Variants in TIGD7 observed in about 807,000 individuals in gnomAD.
TIGD7 encodes tigger transposable element derived 7, also known as tigger transposable element-derived protein 7.
In TIGD7, 26 loss-of-function variants were observed where a neutral mutation model predicts 24.8. The observed-to-expected ratio is 1.05, with a 90% CI of 0.77 to 1.45. The LOEUF (loss-of-function observed/expected upper bound fraction) is 1.45. Ranked by LOEUF, TIGD7 falls within the 40% of genes most tolerant of loss-of-function variation. The pLI is 0.00. For missense variants in TIGD7, 679 were observed against 641.6 expected, an observed-to-expected ratio of 1.06 and a Z score of -0.63; for synonymous variants, 221 against 224.1, an observed-to-expected ratio of 0.99 and a Z score of 0.12.
chr16:3,299,434 GTTAT>G lies in TIGD7; in HGVS notation c.1177_1180del (p.Ile393ProfsTer2), dbSNP rs1303181580. The G allele has an allele frequency of 3.8e-6, 6 of 1,559,462 alleles. No homozygotes were observed. Among genetic ancestry groups the G allele is most frequent in the Non-Finnish European group, 5.2e-6 (6 of 1,154,904 alleles). The stretch of plus-strand genomic sequence containing the variant: ...AAGATTTTCCCATGCATTTGCTATG[GTTAT>G]TTGTTTTACTTCTTCCCAACTTTTT... On this transcript the variant is annotated frameshift_variant, in exon 2 of 2. Coordinates refer to ENST00000396862, the MANE Select transcript of TIGD7 (RefSeq NM_033208.4). LOFTEE classifies it low-confidence loss of function (END_TRUNC).
In TIGD7 at chr16:3,304,026, C is replaced by T. The variant is rs531119964; in HGVS notation, c.-1396+1186G>A. 1.5e-4 allele frequency among the ~76,000 whole-genome samples: 23 copies of T among 152,008 alleles called. No homozygotes were observed. The East Asian group carries it at 4.3e-3, about 28-fold the overall frequency. On this transcript the variant is annotated intron_variant, in intron 1 of 1. Transcript: ENST00000396862. Reference sequence around the variant, plus strand: ...TTTTTTTTGTATTTTTTAGTAGAGACGGGGTTTCACCATGTTAGCCAGGAT... The same window carrying T: ...TTTTTTTTGTATTTTTTAGTAGAGATGGGGTTTCACCATGTTAGCCAGGAT...
Position 3,300,698 on chromosome 16 carries a change from T to A in TIGD7, c.-84A>T, listed in dbSNP as rs1213085243. The A allele has an allele frequency of 2.1e-5, 31 of 1,501,080 alleles. No homozygotes were observed. Among genetic ancestry groups the A allele is most frequent in the African/African-American group, 7.0e-5 (5 of 71,186 alleles). The allele number at this position is 1,501,080 out of a possible 1,614,324, so 93.0% of individuals were successfully genotyped here. On this transcript the variant is annotated 5_prime_UTR_variant, in exon 2 of 2. Transcript: ENST00000396862. ...TGGCAAAAAAAAAACCCACATTTTT[T>A]AAACAAAACTTAGCTGAAAGCCCCA...
chr16:3,303,942 C>G (rs918113687), intron 1 of TIGD7: 7 of 152,272 alleles, frequency 4.6e-5, no homozygotes, highest in African/African-American at 1.7e-4. Flanking sequence ...ACGCCATTCT[C>G]CTGCCTCAGC....
Position 3,300,754 on chromosome 16 carries a change from G to C in TIGD7, c.-140C>G, listed in dbSNP as rs1959917789. 3 of 1,377,946 alleles carry C rather than the reference G, an allele frequency of 2.2e-6. No individual in the cohort carries two copies. Among genetic ancestry groups the C allele is most frequent in the East Asian group, 5.1e-5 (2 of 39,216 alleles). 85.4% of individuals were successfully genotyped at this position (1,377,946 alleles called of 1,614,324 possible). A position where few individuals can be genotyped will look rare whatever the true frequency, so the allele number is the denominator to read the frequency against. ...CATGGGCATTGTATTGGAGGATAAT[G>C]GACTGAAGGGGCTAACCATGACTGA... On this transcript the variant is annotated 5_prime_UTR_variant, in exon 2 of 2. Coordinates refer to ENST00000396862, the MANE Select transcript of TIGD7 (RefSeq NM_033208.4).
Position 3,298,965 on chromosome 16 carries a change from C to G in TIGD7, c.1650G>C (p.Ter550TyrextTer11), listed in dbSNP as rs1255924413. ...TGGCAGAAATCTTTAAACACAAAAT[C>G]TAATGATTAGAACCAGAAGTTGAAG... ...SGPSTSGSNH[*>Y] is the part of the protein sequence containing the mutation. The change falls in exon 2 of 2, where the codon TAG (stop) becomes TAC (tyrosine). Residue 550 changes from the stop codon to tyrosine (Y), a stop_lost. Transcript: ENST00000396862. The G allele has an allele frequency of 8.2e-7, 1 of 1,216,412 alleles. No individual in the cohort carries two copies. The highest frequency in any genetic ancestry group is 1.1e-6 in the Non-Finnish European group (1 of 931,410). The allele number at this position is 1,216,412 out of a possible 1,614,324, so 75.4% of individuals were successfully genotyped here.
In TIGD7 at chr16:3,299,128, T is replaced by C; in HGVS notation, c.1487A>G (p.Glu496Gly). 6.8e-7 allele frequency: 1 copy of C among 1,473,916 alleles called. No individual in the cohort carries two copies. Among genetic ancestry groups the C allele is most frequent in the Non-Finnish European group, 9.0e-7 (1 of 1,114,504 alleles). 91.3% of individuals were successfully genotyped at this position (1,473,916 alleles called of 1,614,324 possible). ...YLLDFVDATPEFQRFHFTLKE... is the reference protein window; with the variant it reads ...YLLDFVDATPGFQRFHFTLKE... ...CAGTGTGAAGTGGAATCTCTGAAAC[T>C]CAGGTGTGGCATCAACAAAGTCAAG... Residue 496 changes from glutamate to glycine, a missense_variant, in exon 2 of 2, where the codon GAG (glutamate) becomes GGG (glycine). Glu to Gly is a moderately conservative substitution (Grantham distance 98, BLOSUM62 -2). Transcript: ENST00000396862.
At chr16:3,303,136 C>T (rs1170177272) in intron 1 of TIGD7, among the ~76,000 whole-genome samples, 2 of 152,172 alleles carry the variant, frequency 1.3e-5, no homozygotes, top group South Asian at 2.1e-4. Context: ...CTGCGCCCAG[C>T]CACAGTCATC....
intron 1 of TIGD7, among the ~76,000 whole-genome samples, chr16:3,303,415 T>G (rs1277981291): frequency 6.6e-6 from 1 of 152,216 alleles, no homozygotes; most frequent in Non-Finnish European, 1.5e-5. Flanking sequence ...GAACTTCACT[T>G]ATTCAACTTA....
rs1457296958 is a variant in TIGD7 at position 3,301,414 on chromosome 16, T to A, written c.-800A>T. The stretch of plus-strand genomic sequence containing the variant: ...GTCAAGCACCGTGCTTTAACTTGAA[T>A]GTCTCTTGTGTTTGCCAAGGTAATA... On this transcript the variant is annotated 5_prime_UTR_variant, in exon 2 of 2. Coordinates refer to ENST00000396862, the MANE Select transcript of TIGD7 (RefSeq NM_033208.4). The A allele has an allele frequency of 6.0e-6, 1 of 167,142 alleles. No homozygotes were observed. The highest frequency in any genetic ancestry group is 1.5e-5 in the Non-Finnish European group (1 of 68,128). The allele number at this position is 167,142 out of a possible 1,614,324, so 10.4% of individuals were successfully genotyped here.
In TIGD7 at chr16:3,299,237, C is replaced by G; in HGVS notation, c.1378G>C (p.Glu460Gln). The G allele has an allele frequency of 1.9e-6, 3 of 1,610,886 alleles. No individual in the cohort carries two copies. Among genetic ancestry groups the G allele is most frequent in the Non-Finnish European group, 2.5e-6 (3 of 1,179,066 alleles). Reference sequence around the variant, plus strand: ...GCTTCTCCTCCTTTTTGAACAACTTCCTTTGTTATTCCACCTTTGGTTTTT... The same window carrying G: ...GCTTCTCCTCCTTTTTGAACAACTTGCTTTGTTATTCCACCTTTGGTTTTT... ...LLKTKGGITK[E>Q]VVQKGGEAEK... is the part of the protein sequence containing the mutation. The change falls in exon 2 of 2, where the codon GAA becomes CAA. Residue 460 changes from glutamate to glutamine, a missense_variant. By Grantham distance (29) the Glu-to-Gln change is conservative (BLOSUM62 2). Transcript: ENST00000396862.
chr16:3,303,107 G>T (rs994917983), intron 1 of TIGD7, among the ~76,000 whole-genome samples: 1 of 152,146 alleles, frequency 6.6e-6, no homozygotes, highest in African/African-American at 2.4e-5. Context: ...CAAAGTGCTG[G>T]GATTACAGGT....
rs1959898797 is a variant in TIGD7 at position 3,300,272 on chromosome 16, C to G, written c.343G>C (p.Gly115Arg). The G allele has an allele frequency of 6.2e-7, 1 of 1,614,062 alleles. No individual in the cohort carries two copies. ...AAAERFARCF[G>R]RTDFKASTGW... Reference sequence around the variant, plus strand: ...GTGCTAGCTTTGAAATCTGTTCGCCCAAAACACCGTGCAAATCTCTCTGCA... The same window carrying G: ...GTGCTAGCTTTGAAATCTGTTCGCCGAAAACACCGTGCAAATCTCTCTGCA... Residue 115 changes from glycine to arginine, a missense_variant, in exon 2 of 2, where the codon GGG (glycine) becomes CGG (arginine). By Grantham distance (125) the Gly-to-Arg change is moderately radical. Coordinates refer to ENST00000396862, the MANE Select transcript of TIGD7 (RefSeq NM_033208.4).
chr16:3,299,300 C>G lies in TIGD7; in HGVS notation c.1315G>C (p.Val439Leu), dbSNP rs151295470. Residue 439 changes from valine (V) to leucine (L), a missense_variant, in exon 2 of 2, where the codon GTG (valine) becomes CTG (leucine). Transcript: ENST00000396862. ...ELETKLDDDR[V>L]WLNGDEEKGC... ...TTTTCTTCATCTCCATTTAACCACA[C>G]CCTATCATCATCCAACTTAGTTTCC... 107 of 1,609,378 alleles carry G rather than the reference C, an allele frequency of 6.6e-5. No individual in the cohort carries two copies. In the African/African-American group the frequency reaches 1.3e-3, roughly 19 times the overall value.
At position 3,299,561 on chromosome 16, in the gene TIGD7, C is replaced by T. The variant is rs1959871320; in HGVS notation, c.1054G>A (p.Val352Ile). The T allele has an allele frequency of 2.0e-6, 3 of 1,533,008 alleles. No homozygotes were observed. In the East Asian group the frequency reaches 6.9e-5, roughly 35 times the overall value. The allele number at this position is 1,533,008 out of a possible 1,614,324, so 95.0% of individuals were successfully genotyped here. A position where few individuals can be genotyped will look rare whatever the true frequency, so the allele number is the denominator to read the frequency against. Reference sequence around the variant, plus strand: ...TCATCATCACTTTCTTCAAATATTACAAGACTCTCTTCAAGTTGCTTCCAT... The same window carrying T: ...TCATCATCACTTTCTTCAAATATTATAAGACTCTCTTCAAGTTGCTTCCAT... ...YRWKQLEESL[V>I]IFEESDDEQE... The change falls in exon 2 of 2, where the codon GTA becomes ATA. Residue 352 changes from valine (V) to isoleucine (I), a missense_variant. By Grantham distance (29) the Val-to-Ile change is conservative (BLOSUM62 3). Transcript: ENST00000396862.
chr16:3,301,862 A>G lies in TIGD7; in HGVS notation c.-1248T>C, dbSNP rs1959946786. ...ACTCTTCTGTCCCTCTAGGCCCTCA[A>G]ATACTCTTTTCGGGTCCTCCTGGTG... On this transcript the variant is annotated 5_prime_UTR_variant, in exon 2 of 2. Coordinates refer to ENST00000396862, the MANE Select transcript of TIGD7 (RefSeq NM_033208.4). 6.0e-6 allele frequency: 1 copy of G among 167,002 alleles called. No homozygotes were observed. Among genetic ancestry groups the G allele is most frequent in the Non-Finnish European group, 1.5e-5 (1 of 68,116 alleles). 10.3% of individuals were successfully genotyped at this position (167,002 alleles called of 1,614,324 possible). A position where few individuals can be genotyped will look rare whatever the true frequency, so the allele number is the denominator to read the frequency against.
Position 3,300,798 on chromosome 16 carries a change from G to A in TIGD7, c.-184C>T. The A allele has an allele frequency of 9.6e-7, 1 of 1,040,852 alleles. No homozygotes were observed. The highest frequency in any genetic ancestry group is 1.3e-6 in the Non-Finnish European group (1 of 754,506). 64.5% of individuals were successfully genotyped at this position (1,040,852 alleles called of 1,614,324 possible). A position where few individuals can be genotyped will look rare whatever the true frequency, so the allele number is the denominator to read the frequency against. On this transcript the variant is annotated 5_prime_UTR_variant, in exon 2 of 2. Transcript: ENST00000396862. ...TGACTGAAGAGCTAGTCTAGAGGTG[G>A]AGGTCTTATGCACTCAGAAAGCTGC...
rs1959875013 is a variant in TIGD7, at chr16:3,299,650, T to C, written c.965A>G (p.Asn322Ser). The C allele has an allele frequency of 1.3e-6, 2 of 1,560,890 alleles. No individual in the cohort carries two copies. The highest frequency in any genetic ancestry group is 1.7e-6 in the Non-Finnish European group (2 of 1,160,036). ...GRIKCMFFPH[N>S]TSTLIQPMNQ... is the part of the protein sequence containing the mutation. ...CATTGGTTGAATCAAGGTTGAAGTG[T>C]TATGGGGGAAGAACATACATTTTAT... Residue 322 changes from asparagine to serine, a missense_variant, in exon 2 of 2, where the codon AAC becomes AGC. Transcript: ENST00000396862.
chr16:3,304,006 T>C (rs1196650642), intron 1 of TIGD7: 3 of 151,916 alleles, frequency 2.0e-5, no homozygotes, highest in East Asian at 3.9e-4. Context: ...CTAATTTTTT[T>C]TTGTATTTTT....
chr16:3,304,501 T>G (rs1437064569), intron 1 of TIGD7, among the ~76,000 whole-genome samples: 1 of 152,214 alleles, frequency 6.6e-6, no homozygotes, highest in Non-Finnish European at 1.5e-5. Context: ...TTCAAGAGAT[T>G]GCTTAAGGAC....
Sources: allele counts gnomAD v4.1 joint callset (sites outside exome capture counted in the v4.1 genomes callset), GRCh38; gene constraint gnomAD v4.1.1; transcripts MANE v1.5; gene names NCBI Gene and HGNC (gene_info 2026-07-23, HGNC 2026-07-21).